Variants in TSHZ2 observed in about 807,000 individuals in gnomAD.
The protein encoded by TSHZ2 is teashirt zinc finger homeobox 2, also known as teashirt homolog 2.
In TSHZ2, 21 loss-of-function variants were observed where a neutral mutation model predicts 74.4. The ratio of observed to expected loss-of-function variants is 0.28; its 90% CI spans 0.20 to 0.41. The LOEUF (loss-of-function observed/expected upper bound fraction) is 0.41. Ranked by LOEUF, TSHZ2 falls within the 10% of genes least tolerant of loss-of-function variation. The probability of loss-of-function intolerance (pLI) is 1.00; values close to 1 mark genes in which losing one functional copy is unlikely to be tolerated. For synonymous variants in TSHZ2, 540 were observed against 515.3 expected (o/e 1.05, Z -0.65); for missense variants, 1,244 against 1,293.5 (o/e 0.96, Z 0.59).
At chr20:53,335,472 G>A (rs1467943392) in intron 2 of TSHZ2, among the ~76,000 whole-genome samples, 1 of 152,190 alleles carries the variant, frequency 6.6e-6, no homozygotes. Context: ...GGACCCTGTA[G>A]GCATTTGTCT....
chr20:53,238,331 T>C (rs1389130294), intron 1 of TSHZ2, among the ~76,000 whole-genome samples: 1 of 152,104 alleles, frequency 6.6e-6, no homozygotes, highest in East Asian at 1.9e-4. Flanking sequence ...CATAGTGTAG[T>C]TCACCAAAAG....
At chr20:53,180,800 T>C (rs1455596723) in intron 1 of TSHZ2, among the ~76,000 whole-genome samples, 1 of 152,144 alleles carries the variant, frequency 6.6e-6, no homozygotes, top group African/African-American at 2.4e-5. Flanking sequence ...AATGAAAAGA[T>C]CACTTGTTAA....
At chr20:53,336,211 A>C (rs1219213791) in intron 2 of TSHZ2, among the ~76,000 whole-genome samples, 2 of 152,168 alleles carry the variant, frequency 1.3e-5, no homozygotes, top group Non-Finnish European at 2.9e-5. Flanking sequence ...GCAGGAGAGA[A>C]GGTGAGGGCA....
chr20:53,177,230 A>G (rs992549601), intron 1 of TSHZ2, among the ~76,000 whole-genome samples: 13 of 152,138 alleles, frequency 8.5e-5, no homozygotes, highest in Admixed American at 5.2e-4. Context: ...GGGTAAAAGG[A>G]CACCTAAACC....
intron 2 of TSHZ2, among the ~76,000 whole-genome samples, chr20:53,321,123 AG>A (rs1024218562): frequency 6.6e-6 from 1 of 152,242 alleles, no homozygotes; most frequent in African/African-American, 2.4e-5. Flanking sequence ...AGGGCGCAAC[AG>A]GTTTTCAATA....
At chr20:53,247,782 G>A (rs6097318) in intron 1 of TSHZ2, among the ~76,000 whole-genome samples, 1 of 152,138 alleles carries the variant, frequency 6.6e-6, no homozygotes, top group Non-Finnish European at 1.5e-5. Flanking sequence ...TTTTAAATGA[G>A]GTCTTGGTTG....
intron 1 of TSHZ2, among the ~76,000 whole-genome samples, chr20:53,108,677 C>A (rs905055551): frequency 1.1e-4 from 17 of 152,118 alleles, no homozygotes; most frequent in Non-Finnish European, 4.4e-5. Flanking sequence ...ATGAAATAAT[C>A]CATCCTTGGT....
chr20:53,006,821 G>A (rs1411724372), intron 1 of TSHZ2, among the ~76,000 whole-genome samples: 1 of 152,110 alleles, frequency 6.6e-6, no homozygotes, highest in Non-Finnish European at 1.5e-5. Flanking sequence ...ATGTTGGGTG[G>A]TGGTGGGGTA....
rs969198806 is a variant in TSHZ2, at chr20:53,488,359, G to A, written c.*1224G>A. ...ATACGTTATTATTAACGGGAATACT[G>A]TATTACACAGATTAAAATCAGGTCC... On this transcript the variant is annotated 3_prime_UTR_variant, in exon 3 of 3. Coordinates refer to ENST00000371497, the MANE Select transcript of TSHZ2 (RefSeq NM_173485.6). 1.3e-5 allele frequency: 2 copies of A among 152,364 alleles called. No homozygotes were observed. The highest frequency in any genetic ancestry group is 4.8e-5 in the African/African-American group (2 of 41,408). The allele number at this position is 152,364 out of a possible 1,614,324, so 9.4% of individuals were successfully genotyped here.
chr20:53,019,951 G>C (rs922942303), intron 1 of TSHZ2, among the ~76,000 whole-genome samples: 2 of 152,246 alleles, frequency 1.3e-5, no homozygotes, highest in African/African-American at 4.8e-5. Context: ...TCACAGTTCT[G>C]CATGACTGGA....
chr20:52,988,605 A>G (rs1028804727), intron 1 of TSHZ2, among the ~76,000 whole-genome samples: 1 of 152,062 alleles, frequency 6.6e-6, no homozygotes, highest in Non-Finnish European at 1.5e-5. Flanking sequence ...AAAAAAAAAA[A>G]GATCATCCCT....
At chr20:53,231,278 A>G (rs554254553) in intron 1 of TSHZ2, among the ~76,000 whole-genome samples, 2 of 152,340 alleles carry the variant, frequency 1.3e-5, no homozygotes, top group South Asian at 4.1e-4. Context: ...GCATATACAA[A>G]TCATTGAATG....
chr20:52,983,204 C>G (rs1981630920), intron 1 of TSHZ2, among the ~76,000 whole-genome samples: 1 of 152,096 alleles, frequency 6.6e-6, no homozygotes, highest in African/African-American at 2.4e-5. Context: ...AAGCAAGTTT[C>G]CTCACCTCAT....
At chr20:53,184,718 T>C (rs1478471978) in intron 1 of TSHZ2, among the ~76,000 whole-genome samples, 1 of 152,208 alleles carries the variant, frequency 6.6e-6, no homozygotes, top group Non-Finnish European at 1.5e-5. Context: ...TCTAATTTTA[T>C]AATTTTTTGA....
intron 1 of TSHZ2, among the ~76,000 whole-genome samples, chr20:53,187,613 C>A (rs1988630830): frequency 6.6e-6 from 1 of 151,910 alleles, no homozygotes; most frequent in Non-Finnish European, 1.5e-5. Flanking sequence ...TAGCACCCGA[C>A]AGGATGTTAG....
intron 1 of TSHZ2, among the ~76,000 whole-genome samples, chr20:53,215,210 G>A (rs889640066): frequency 3.9e-5 from 6 of 152,086 alleles, no homozygotes; most frequent in Non-Finnish European, 2.9e-5. Context: ...TTTCCACGTG[G>A]CAAACACTGG....
intron 1 of TSHZ2, among the ~76,000 whole-genome samples, chr20:53,236,154 A>C (rs1989934421): frequency 6.6e-6 from 1 of 152,188 alleles, no homozygotes; most frequent in Non-Finnish European, 1.5e-5. Flanking sequence ...TGATTTTTAA[A>C]AATTTGACCT....
chr20:53,306,901 C>T (rs1312918136), intron 2 of TSHZ2, among the ~76,000 whole-genome samples: 1 of 152,194 alleles, frequency 6.6e-6, no homozygotes, highest in Non-Finnish European at 1.5e-5. Context: ...TGGACACCGA[C>T]ATGCTACCAA....
intron 2 of TSHZ2, among the ~76,000 whole-genome samples, chr20:53,433,190 C>T (rs1009338792): frequency 6.6e-6 from 1 of 152,176 alleles, no homozygotes; most frequent in Non-Finnish European, 1.5e-5. Context: ...TAACTGGGCA[C>T]ACTGTCACAG....
Sources: gnomAD v4.1 joint callset for allele counts (sites outside exome capture counted in the v4.1 genomes callset) on GRCh38, gnomAD v4.1.1 for gene constraint, MANE v1.5 for transcripts, NCBI Gene and HGNC (gene_info 2026-07-23, HGNC 2026-07-21) for gene names.